Variants in SGCZ observed in about 807,000 individuals in gnomAD.
SGCZ encodes the protein zeta-sarcoglycan.
In SGCZ, 40 loss-of-function variants were observed where a neutral mutation model predicts 41.3. The ratio of observed to expected loss-of-function variants is 0.97; its 90% confidence interval spans 0.75 to 1.26. The LOEUF (loss-of-function observed/expected upper bound fraction) is 1.26, where lower values mean the gene tolerates loss of function less well. Ranked by LOEUF, SGCZ falls within the 50% of genes most tolerant of loss-of-function variation. The probability of loss-of-function intolerance (pLI) is 0.00; values close to 1 mark genes in which losing one functional copy is unlikely to be tolerated. For missense variants in SGCZ, 552 were observed against 369.8 expected (o/e 1.49, Z -4.04); for synonymous variants, 206 against 137.5 (o/e 1.50, Z -3.49).
intron 1 of SGCZ, among the ~76,000 whole-genome samples, chr8:15,216,193 A>C: frequency 6.6e-6 from 1 of 151,400 alleles, no homozygotes; most frequent in East Asian, 1.9e-4. Context: ...AGGATGTTTT[A>C]AGTATCATTT....
At chr8:14,436,807 A>G (rs1800107214) in intron 2 of SGCZ, among the ~76,000 whole-genome samples, 1 of 152,184 alleles carries the variant, frequency 6.6e-6, no homozygotes, top group African/African-American at 2.4e-5. Context: ...GAGGAAAAGC[A>G]CTTGTGTGAT....
intron 1 of SGCZ, among the ~76,000 whole-genome samples, chr8:15,078,839 C>CTATAATTT (rs138192376): frequency 0.11 from 17,458 of 151,892 alleles, 1,641 homozygotes; most frequent in East Asian, 0.29. Context: ...ACATTTATAA[C>CTATAATTT]TATAATTTTA....
chr8:14,700,009 A>C (rs562014528), intron 1 of SGCZ, among the ~76,000 whole-genome samples: 1 of 152,134 alleles, frequency 6.6e-6, no homozygotes, highest in Non-Finnish European at 1.5e-5. Context: ...TGTTGGCAGA[A>C]ATGTAAATTT....
intron 2 of SGCZ, among the ~76,000 whole-genome samples, chr8:14,337,040 C>T (rs910811968): frequency 2.6e-5 from 4 of 152,132 alleles, no homozygotes; most frequent in Admixed American, 2.6e-4. Flanking sequence ...TTCCCAATTA[C>T]TGGGAGGACT....
intron 1 of SGCZ, among the ~76,000 whole-genome samples, chr8:14,907,576 G>A (rs1009953638): frequency 6.6e-6 from 1 of 152,060 alleles, no homozygotes; most frequent in African/African-American, 2.4e-5. Flanking sequence ...AATAAAGGCT[G>A]GACAACAGTG....
intron 1 of SGCZ, among the ~76,000 whole-genome samples, chr8:15,236,705 C>T (rs2117221201): frequency 6.6e-6 from 1 of 152,238 alleles, no homozygotes; most frequent in Non-Finnish European, 1.5e-5. Context: ...GGGAAGCAGG[C>T]AGAGGTGCCC....
rs115536311 is a variant in SGCZ at position 15,208,165 on chromosome 8, C to T, written c.39+29420G>A. On this transcript the variant is annotated intron_variant, in intron 1 of 7. Coordinates refer to ENST00000382080, the MANE Select transcript of SGCZ (RefSeq NM_139167.4). Reference sequence around the variant, plus strand: ...ATGCCTTTCAAGGCCAAAATAAGTTCCCTGAAGAATGTGTAAAGAGATCAA... The same window carrying T: ...ATGCCTTTCAAGGCCAAAATAAGTTTCCTGAAGAATGTGTAAAGAGATCAA... 4.5e-3 allele frequency among the ~76,000 whole-genome samples: 678 copies of T among 152,306 alleles called. 3 individuals are homozygous for T. Among genetic ancestry groups the T allele is most frequent in the African/African-American group, 0.015 (633 of 41,568 alleles).
intron 1 of SGCZ, among the ~76,000 whole-genome samples, chr8:14,977,192 A>G (rs1330960080): frequency 6.6e-6 from 1 of 151,826 alleles, no homozygotes; most frequent in Non-Finnish European, 1.5e-5. Flanking sequence ...GAACTCGTTG[A>G]GGGAAGGCGC....
At chr8:14,313,716 C>A (rs571285083) in intron 3 of SGCZ, among the ~76,000 whole-genome samples, 1 of 152,148 alleles carries the variant, frequency 6.6e-6, no homozygotes, top group Admixed American at 6.5e-5. Context: ...TATTGACTAG[C>A]ATCTCAGCGT....
intron 2 of SGCZ, among the ~76,000 whole-genome samples, chr8:14,371,277 A>G (rs751463989): frequency 2.6e-5 from 4 of 151,992 alleles, no homozygotes; most frequent in Non-Finnish European, 5.9e-5. Flanking sequence ...CCTGAATAAG[A>G]TATCAGAAAT....
intron 4 of SGCZ, among the ~76,000 whole-genome samples, chr8:14,172,702 C>G (rs571455720): frequency 5.9e-5 from 9 of 152,030 alleles, no homozygotes; most frequent in Non-Finnish European, 8.8e-5. Context: ...AATCACAGTA[C>G]AGGGAAATAG....
chr8:14,164,548 A>C (rs7823973), intron 5 of SGCZ, 32 bp downstream of exon 5: 1 of 1,611,772 alleles, frequency 6.2e-7, no homozygotes, highest in South Asian at 1.1e-5. Flanking sequence ...TTAAAGAAGT[A>C]AACAATTTTT....
At chr8:15,120,533 CT>C (rs1807439668) in intron 1 of SGCZ, among the ~76,000 whole-genome samples, 1 of 152,118 alleles carries the variant, frequency 6.6e-6, no homozygotes, top group Non-Finnish European at 1.5e-5. Flanking sequence ...AAAAGCTTAT[CT>C]TTTATTTTCA....
chr8:14,437,276 T>C (rs1055645318), intron 2 of SGCZ, among the ~76,000 whole-genome samples: 8 of 152,164 alleles, frequency 5.3e-5, no homozygotes, highest in Non-Finnish European at 8.8e-5. Flanking sequence ...TTTAATGAAA[T>C]AATTTCTTAT....
intron 7 of SGCZ, among the ~76,000 whole-genome samples, chr8:14,101,700 G>A (rs1802026439): frequency 6.6e-6 from 1 of 150,422 alleles, no homozygotes; most frequent in African/African-American, 2.5e-5. Flanking sequence ...GATAAATAAA[G>A]GCACTCTTTC....
At chr8:14,417,443 A>G (rs1200953636) in intron 2 of SGCZ, among the ~76,000 whole-genome samples, 1 of 151,740 alleles carries the variant, frequency 6.6e-6, no homozygotes, top group Non-Finnish European at 1.5e-5. Flanking sequence ...CTTTCCTCCA[A>G]TTATTTCCCC....
chr8:14,102,008 G>T (rs1055311170), intron 7 of SGCZ, among the ~76,000 whole-genome samples: 1 of 150,710 alleles, frequency 6.6e-6, no homozygotes, highest in African/African-American at 2.4e-5. Context: ...ATGGGTTGAC[G>T]ACATTCTCCT....
chr8:14,616,281 T>TC (rs1233672187), intron 1 of SGCZ, among the ~76,000 whole-genome samples: 2 of 82,148 alleles, frequency 2.4e-5, no homozygotes, highest in Non-Finnish European at 5.0e-5. Flanking sequence ...AGACTCTGTC[T>TC]CAAAAAAAAA....
intron 1 of SGCZ, among the ~76,000 whole-genome samples, chr8:14,741,453 G>A (rs532355801): frequency 7.2e-5 from 11 of 151,982 alleles, no homozygotes; most frequent in South Asian, 6.2e-4. Flanking sequence ...TTTGTTTTAC[G>A]TTTTATAACA....
Sources: allele counts gnomAD v4.1 joint callset (sites outside exome capture counted in the v4.1 genomes callset), GRCh38; gene constraint gnomAD v4.1.1; transcripts MANE v1.5; gene names NCBI Gene and HGNC (gene_info 2026-07-23, HGNC 2026-07-21).